Variants in TAOK1 observed in about 807,000 individuals in gnomAD.
TAOK1 encodes TAO kinase 1, also known as serine/threonine-protein kinase TAO1.
In TAOK1, 21 loss-of-function variants were observed where a neutral mutation model predicts 138.3. The ratio of observed to expected loss-of-function variants is 0.15; its 90% confidence interval spans 0.11 to 0.22. The LOEUF (loss-of-function observed/expected upper bound fraction) is 0.22. TAOK1 is among the 10% of genes least tolerant of loss of function. The probability of loss-of-function intolerance (pLI) is 1.00; values close to 1 mark genes in which losing one functional copy is unlikely to be tolerated. For missense variants in TAOK1, 651 were observed against 1,227.7 expected, an observed-to-expected ratio of 0.53 and a Z score of 7.02; for synonymous variants, 361 against 398.4, an observed-to-expected ratio of 0.91 and a Z score of 1.12.
intron 1 of TAOK1, among the ~76,000 whole-genome samples, chr17:29,447,716 A>T (rs1044232896): frequency 6.7e-6 from 1 of 149,360 alleles, no homozygotes; most frequent in Non-Finnish European, 1.5e-5. Flanking sequence ...CAGTGCAATG[A>T]CACGATCTTG....
At chr17:29,501,495 A>C (rs2031530156) in intron 12 of TAOK1, among the ~76,000 whole-genome samples, 1 of 151,664 alleles carries the variant, frequency 6.6e-6, no homozygotes, top group African/African-American at 2.4e-5. Flanking sequence ...TTCAGCTAAC[A>C]AATTGAGTTC....
intron 2 of TAOK1, among the ~76,000 whole-genome samples, chr17:29,456,996 G>A (rs1485739370): frequency 1.3e-5 from 2 of 149,808 alleles, no homozygotes; most frequent in African/African-American, 5.1e-5. Flanking sequence ...GCCTCCCAAA[G>A]TGCTGGGATT....
intron 1 of TAOK1, among the ~76,000 whole-genome samples, chr17:29,420,480 CT>C (rs1308019794): frequency 1.3e-5 from 2 of 150,192 alleles, no homozygotes; most frequent in Admixed American, 6.7e-5. Context: ...GTCTGAATGC[CT>C]TTTTTTTTCT....
chr17:29,421,759 C>T (rs1905450744), intron 1 of TAOK1, among the ~76,000 whole-genome samples: 3 of 152,108 alleles, frequency 2.0e-5, no homozygotes, highest in Admixed American at 2.0e-4. Flanking sequence ...CCACCACACC[C>T]AGCCAGTTAA....
At chr17:29,433,172 G>A (rs894189545) in intron 1 of TAOK1, among the ~76,000 whole-genome samples, 1 of 152,034 alleles carries the variant, frequency 6.6e-6, no homozygotes, top group African/African-American at 2.4e-5. Flanking sequence ...AGTGGCTCAC[G>A]CTTGTGAGCC....
Position 29,498,297 on chromosome 17 carries a change from C to A in TAOK1, c.1000-21C>A, listed in dbSNP as rs73986949. On this transcript the variant is annotated intron_variant, in intron 11 of 19. Transcript: ENST00000261716. Reference sequence around the variant, plus strand: ...GATATATATTAATATTTGAACTGAACTGAATGTCCTTTTCTCTTAGGAACA... The same window carrying A: ...GATATATATTAATATTTGAACTGAAATGAATGTCCTTTTCTCTTAGGAACA... 1.8e-4 allele frequency: 286 copies of A among 1,613,174 alleles called. No homozygotes were observed. The African/African-American group carries it at 3.3e-3, about 19-fold the overall frequency.
In TAOK1 at chr17:29,550,537, A is replaced by G. The variant is rs980635424; in HGVS notation, c.*7515A>G. ...GCGCATTAATGAGGTTGAAGAGACT[A>G]TGAGAAATATGTATAGTGTATATTT... On this transcript the variant is annotated 3_prime_UTR_variant, in exon 20 of 20. Transcript: ENST00000261716. 2 of 152,228 alleles carry G rather than the reference A, an allele frequency of 1.3e-5. No individual in the cohort carries two copies. The highest frequency in any genetic ancestry group is 2.9e-5 in the Non-Finnish European group (2 of 68,020). 9.4% of individuals were successfully genotyped at this position (152,228 alleles called of 1,614,324 possible). A position where few individuals can be genotyped will look rare whatever the true frequency, so the allele number is the denominator to read the frequency against.
chr17:29,460,615 T>C (rs2030509288), intron 2 of TAOK1, among the ~76,000 whole-genome samples: 1 of 152,206 alleles, frequency 6.6e-6, no homozygotes, highest in Non-Finnish European at 1.5e-5. Flanking sequence ...ACCTGCTACA[T>C]TACCCTAAGA....
At chr17:29,526,545 A>G (rs2032012342) in intron 17 of TAOK1, among the ~76,000 whole-genome samples, 1 of 152,008 alleles carries the variant, frequency 6.6e-6, no homozygotes, top group Non-Finnish European at 1.5e-5. Context: ...CCTCCTGAGT[A>G]GCTGTGATTA....
chr17:29,483,744 A>C (rs2031111467), intron 8 of TAOK1, among the ~76,000 whole-genome samples: 1 of 152,176 alleles, frequency 6.6e-6, no homozygotes, highest in African/African-American at 2.4e-5. Context: ...ACCATGTCAT[A>C]CTTGGGATTT....
In TAOK1 at chr17:29,546,555, T is replaced by G. The variant is rs1443743606; in HGVS notation, c.*3533T>G. On this transcript the variant is annotated 3_prime_UTR_variant, in exon 20 of 20. Coordinates refer to ENST00000261716, the MANE Select transcript of TAOK1 (RefSeq NM_020791.4). ...TTTATTTTCACCTGTGAAAAATGAC[T>G]TCATTGTACTTGAAACACCTCCTTT... is the stretch of plus-strand genomic sequence containing the variant. 6.6e-6 allele frequency: 1 copy of G among 152,088 alleles called. No homozygotes were observed. The highest frequency in any genetic ancestry group is 1.5e-5 in the Non-Finnish European group (1 of 67,962). 9.4% of individuals were successfully genotyped at this position (152,088 alleles called of 1,614,324 possible). A position where few individuals can be genotyped will look rare whatever the true frequency, so the allele number is the denominator to read the frequency against.
At chr17:29,469,611 A>G (rs1053802670) in intron 3 of TAOK1, among the ~76,000 whole-genome samples, 1 of 152,224 alleles carries the variant, frequency 6.6e-6, no homozygotes, top group Admixed American at 6.5e-5. Flanking sequence ...CCCAAAGTTC[A>G]TCCATGTTGT....
intron 1 of TAOK1, among the ~76,000 whole-genome samples, chr17:29,417,609 C>T (rs567732940): frequency 2.6e-5 from 4 of 152,290 alleles, no homozygotes; most frequent in South Asian, 2.1e-4. Context: ...TTAATTCCAC[C>T]TGTGGCCAGG....
intron 13 of TAOK1, among the ~76,000 whole-genome samples, chr17:29,505,513 C>T (rs2031614501): frequency 2.0e-5 from 3 of 152,142 alleles, no homozygotes; most frequent in African/African-American, 7.2e-5. Flanking sequence ...ACCAGCCTGG[C>T]TAACATGGTG....
intron 1 of TAOK1, among the ~76,000 whole-genome samples, chr17:29,412,940 A>G (rs1466382400): frequency 6.6e-6 from 1 of 152,214 alleles, no homozygotes; most frequent in African/African-American, 2.4e-5. Flanking sequence ...GAGGTTGTGT[A>G]CAAATTTGGT....
intron 3 of TAOK1, among the ~76,000 whole-genome samples, chr17:29,471,994 T>C (rs1480851980): frequency 6.6e-6 from 1 of 152,190 alleles, no homozygotes; most frequent in Admixed American, 6.5e-5. Context: ...ATCTTCAGGC[T>C]CCATGTGTAA....
intron 1 of TAOK1, among the ~76,000 whole-genome samples, chr17:29,403,188 AGT>A (rs1904900248): frequency 7.0e-6 from 1 of 143,634 alleles, no homozygotes; most frequent in African/African-American, 2.6e-5. Context: ...AAAAAAAATC[AGT>A]GTGCTGCAAT....
At chr17:29,483,213 G>T (rs948230973) in intron 8 of TAOK1, among the ~76,000 whole-genome samples, 9 of 152,036 alleles carry the variant, frequency 5.9e-5, no homozygotes, top group Non-Finnish European at 1.0e-4. Context: ...GCATAGCTGG[G>T]ACTGCAGGCA....
At chr17:29,420,585 G>GTTTTT (rs71360703) in intron 1 of TAOK1, among the ~76,000 whole-genome samples, 28 of 123,512 alleles carry the variant, frequency 2.3e-4, no homozygotes, top group Admixed American at 7.1e-4. Flanking sequence ...TACTTAATCT[G>GTTTTT]TTTTTTTTTT....
Sources: allele counts gnomAD v4.1 joint callset (sites outside exome capture counted in the v4.1 genomes callset), GRCh38; gene constraint gnomAD v4.1.1; transcripts MANE v1.5; gene names NCBI Gene and HGNC (gene_info 2026-07-23, HGNC 2026-07-21).